The following CBY1 variants were observed in gnomAD, a reference collection of about 807,000 sequenced individuals.
The protein encoded by CBY1 is chibby 1, beta catenin antagonist, also known as protein chibby homolog 1.
Under a neutral mutation model 15.6 loss-of-function variants are expected in CBY1, and 10 were observed. The ratio of observed to expected loss-of-function variants is 0.64; its 90% CI spans 0.40 to 1.09. CBY1 has a LOEUF of 1.09. Ranked by LOEUF, CBY1 falls within the 50% of genes least tolerant of loss-of-function variation. The pLI, the probability that CBY1 is intolerant of heterozygous loss-of-function variation, is 0.01. For synonymous variants in CBY1, 61 were observed against 63.5 expected (o/e 0.96, Z 0.19); for missense variants, 150 against 160.5 (o/e 0.93, Z 0.35).
intron 1 of CBY1, among the ~76,000 whole-genome samples, chr22:38,667,371 G>A (rs936975520): frequency 9.2e-5 from 14 of 152,058 alleles, no homozygotes; most frequent in African/African-American, 3.4e-4. Context: ...AGCAGCAGTG[G>A]ACCACAGCTC....
At chr22:38,658,717 C>A (rs553246536) in intron 1 of CBY1, among the ~76,000 whole-genome samples, 4 of 152,064 alleles carry the variant, frequency 2.6e-5, no homozygotes, top group Admixed American at 2.6e-4. Context: ...ACCTCGTGAT[C>A]CGCCCGCCTC....
In CBY1 at chr22:38,668,919, A is replaced by T. The variant is rs981916269; in HGVS notation, c.78+787A>T. Reference sequence around the variant, plus strand: ...GGAGCAGGCCAGGCAGAGGCTTAGGATCTCAGTTTCTGGTGCCCCTAGGCC... The same window carrying T: ...GGAGCAGGCCAGGCAGAGGCTTAGGTTCTCAGTTTCTGGTGCCCCTAGGCC... On this transcript the variant is annotated intron_variant, in intron 2 of 4. Coordinates refer to ENST00000216029, the MANE Select transcript of CBY1 (RefSeq NM_015373.4). Among the ~76,000 whole-genome samples the T allele has an allele frequency of 8.5e-5, 13 of 152,130 alleles. No homozygotes were observed. In the South Asian group the frequency reaches 2.1e-3, roughly 24 times the overall value.
At chr22:38,664,470 CAAAAA>C (rs35322853) in intron 1 of CBY1, among the ~76,000 whole-genome samples, 3 of 92,030 alleles carry the variant, frequency 3.3e-5, no homozygotes, top group African/African-American at 1.2e-4. Context: ...GACTCCATCT[CAAAAA>C]AAAAAAAAAA....
intron 1 of CBY1, among the ~76,000 whole-genome samples, chr22:38,661,141 G>T (rs181150867): frequency 1.3e-5 from 2 of 151,964 alleles, no homozygotes; most frequent in Non-Finnish European, 2.9e-5. Context: ...TAAGTTGCTG[G>T]TCTATGATTC....
At chr22:38,662,586 G>A (rs1052389921) in intron 1 of CBY1, among the ~76,000 whole-genome samples, 6 of 151,948 alleles carry the variant, frequency 3.9e-5, no homozygotes, top group African/African-American at 1.4e-4. Context: ...TGGCTCCTGG[G>A]CGCAAGCAAT....
chr22:38,661,329 A>C lies in CBY1; in HGVS notation c.-39+4579A>C, dbSNP rs547476405. Among the ~76,000 whole-genome samples, 116 of 151,892 alleles carry C rather than the reference A, an allele frequency of 7.6e-4. No individual in the cohort carries two copies. In the Middle Eastern group the frequency reaches 0.014, roughly 18 times the overall value. On this transcript the variant is annotated intron_variant, in intron 1 of 4. Transcript: ENST00000216029. ...GTTGGGATTACAGGTGAGCACCACC[A>C]CTCCCGGCTAATTTTTGTACATTTT...
At chr22:38,670,801 G>C in intron 2 of CBY1, 83 bp from the exon 3 acceptor site, 7 of 841,082 alleles carry the variant, frequency 8.3e-6, no homozygotes, top group Non-Finnish European at 1.2e-5. Context: ...GAGTTGTTGG[G>C]GTCATATTGT....
intron 1 of CBY1, among the ~76,000 whole-genome samples, chr22:38,664,229 T>C (rs2092430011): frequency 6.6e-6 from 1 of 151,856 alleles, no homozygotes; most frequent in African/African-American, 2.4e-5. Flanking sequence ...CCTAGCACTT[T>C]GGGAGGCTGT....
chr22:38,657,110 C>A (rs1488599794), intron 1 of CBY1: 2 of 984,052 alleles, frequency 2.0e-6, no homozygotes, highest in African/African-American at 3.5e-5. Context: ...CCGATGAAAA[C>A]CAGAGATTCC....
At chr22:38,663,120 AAAAT>A (rs760488211) in intron 1 of CBY1, among the ~76,000 whole-genome samples, 6 of 152,160 alleles carry the variant, frequency 3.9e-5, no homozygotes, top group Admixed American at 2.6e-4. Context: ...ACTTGATCTC[AAAAT>A]AAATAAATAA....
chr22:38,673,299 A>G lies in CBY1; in HGVS notation c.*63A>G. The G allele has an allele frequency of 9.7e-7, 1 of 1,025,976 alleles. No homozygotes were observed. The highest frequency in any genetic ancestry group is 1.5e-6 in the Non-Finnish European group (1 of 649,014). 63.6% of individuals were successfully genotyped at this position (1,025,976 alleles called of 1,614,324 possible). A position where few individuals can be genotyped will look rare whatever the true frequency, so the allele number is the denominator to read the frequency against. On this transcript the variant is annotated 3_prime_UTR_variant, in exon 5 of 5. Coordinates refer to ENST00000216029, the MANE Select transcript of CBY1 (RefSeq NM_015373.4). Reference sequence around the variant, plus strand: ...TGAGTGCTTTTTTTTTGGCCAGACTAGCGGATTCAGTCCTGGAAGAGAGTA... The same window carrying G: ...TGAGTGCTTTTTTTTTGGCCAGACTGGCGGATTCAGTCCTGGAAGAGAGTA...
At chr22:38,658,806 A>C (rs954853602) in intron 1 of CBY1, among the ~76,000 whole-genome samples, 3 of 152,192 alleles carry the variant, frequency 2.0e-5, no homozygotes, top group Admixed American at 2.0e-4. Flanking sequence ...GTCTTATCAT[A>C]TGGGGGAAAT....
chr22:38,657,309 T>C (rs540395450), intron 1 of CBY1, among the ~76,000 whole-genome samples: 19 of 152,304 alleles, frequency 1.2e-4, no homozygotes, highest in African/African-American at 4.6e-4. Context: ...TAAAACACTA[T>C]AACATCTTGT....
At chr22:38,659,484 A>T (rs2145777264) in intron 1 of CBY1, among the ~76,000 whole-genome samples, 1 of 152,184 alleles carries the variant, frequency 6.6e-6, no homozygotes, top group African/African-American at 2.4e-5. Context: ...TCCTGACCTC[A>T]AGTGATCCAC....
rs1347683426 is a variant in CBY1 at position 38,656,737 on chromosome 22, C to A, written c.-52C>A. 1 of 152,306 alleles carries A rather than the reference C, an allele frequency of 6.6e-6. No individual in the cohort carries two copies. Among genetic ancestry groups the A allele is most frequent in the Non-Finnish European group, 1.5e-5 (1 of 68,146 alleles). 9.4% of individuals were successfully genotyped at this position (152,306 alleles called of 1,614,324 possible). A position where few individuals can be genotyped will look rare whatever the true frequency, so the allele number is the denominator to read the frequency against. ...TCGGGGAGCGCTTGGACCCCGGCTT[C>A]TGGGACGCGTCAGGTACGTCTCCGA... On this transcript the variant is annotated 5_prime_UTR_variant, in exon 1 of 5. It adds an upstream start codon to the 5' untranslated region. Coordinates refer to ENST00000216029, the MANE Select transcript of CBY1 (RefSeq NM_015373.4).
chr22:38,660,061 G>A (rs2145777931), intron 1 of CBY1, among the ~76,000 whole-genome samples: 1 of 152,154 alleles, frequency 6.6e-6, no homozygotes, highest in East Asian at 1.9e-4. Flanking sequence ...GCCAAGTTTT[G>A]AGTGCCCTTG....
intron 2 of CBY1, chr22:38,670,642 A>G: frequency 2.3e-6 from 1 of 430,482 alleles, no homozygotes; most frequent in Non-Finnish European, 4.2e-6. Context: ...AATTCAATTT[A>G]TAAATTTCAG....
chr22:38,658,623 C>G (rs1478283525), intron 1 of CBY1, among the ~76,000 whole-genome samples: 1 of 151,784 alleles, frequency 6.6e-6, no homozygotes, highest in Non-Finnish European at 1.5e-5. Context: ...ACTACAGGCT[C>G]CTGCCACCAT....
chr22:38,661,124 C>T lies in CBY1; in HGVS notation c.-39+4374C>T, dbSNP rs113005924. Among the ~76,000 whole-genome samples, 188 of 152,152 alleles carry T rather than the reference C, an allele frequency of 1.2e-3. 2 individuals carry two copies. The highest frequency in any genetic ancestry group is 4.3e-3 in the African/African-American group (180 of 41,528). Reference sequence around the variant, plus strand: ...AAGTGCTGTGCCCAGGCCCAAATGCCATCCCCTAAGTTGCTGGTCTATGAT... The same window carrying T: ...AAGTGCTGTGCCCAGGCCCAAATGCTATCCCCTAAGTTGCTGGTCTATGAT... On this transcript the variant is annotated intron_variant, in intron 1 of 4. Coordinates refer to ENST00000216029, the MANE Select transcript of CBY1 (RefSeq NM_015373.4).
Sources: gnomAD v4.1 joint callset for allele counts (sites outside exome capture counted in the v4.1 genomes callset) on GRCh38, gnomAD v4.1.1 for gene constraint, MANE v1.5 for transcripts, NCBI Gene and HGNC (gene_info 2026-07-23, HGNC 2026-07-21) for gene names.